Variants in GPHN observed in about 807,000 individuals in gnomAD.
The protein encoded by GPHN is gephyrin.
In GPHN, 17 loss-of-function variants were observed where a neutral mutation model predicts 95.5. That is an observed-to-expected ratio of 0.18 (90% CI 0.12 to 0.27). The LOEUF (loss-of-function observed/expected upper bound fraction) is 0.27. Among genes scored for constraint, GPHN ranks in the 10% least tolerant of loss-of-function variants. The pLI is 1.00. For synonymous variants in GPHN, 320 were observed against 322.5 expected (o/e 0.99, Z 0.08); for missense variants, 660 against 978.1 (o/e 0.67, Z 4.34).
chr14:67,599,545 A>G, the GPHN span, among the ~76,000 whole-genome samples: 4 of 152,198 alleles, frequency 2.6e-5, no homozygotes, highest in Non-Finnish European at 5.9e-5. Context: ...ATAACACTCT[A>G]TCTATACACA....
chr14:67,450,921 G>A, the GPHN span, among the ~76,000 whole-genome samples: 341 of 152,328 alleles, frequency 2.2e-3, no homozygotes, highest in Middle Eastern at 6.8e-3. Flanking sequence ...TCCCATCACA[G>A]GCCCAGAGGC....
chr14:67,296,528 G>A, the GPHN span, among the ~76,000 whole-genome samples: 1 of 133,982 alleles, frequency 7.5e-6, no homozygotes, highest in African/African-American at 2.8e-5. Context: ...CTTGCAGTGA[G>A]CCAAGATCGT....
At chr14:66,699,288 C>T (rs1169020893) in intron 2 of GPHN, among the ~76,000 whole-genome samples, 1 of 152,026 alleles carries the variant, frequency 6.6e-6, no homozygotes, top group Non-Finnish European at 1.5e-5. Context: ...CAACATGGCA[C>T]ATGTATACAT....
chr14:66,767,429 G>A (rs572239329), intron 2 of GPHN, among the ~76,000 whole-genome samples: 72 of 138,092 alleles, frequency 5.2e-4, no homozygotes, highest in Non-Finnish European at 8.0e-4. Context: ...TTGCAGACTC[G>A]CTTTTTGAAC....
At chr14:67,500,258 G>A in the GPHN span, among the ~76,000 whole-genome samples, 2 of 152,032 alleles carry the variant, frequency 1.3e-5, no homozygotes, top group African/African-American at 2.4e-5. Flanking sequence ...GGTGGATCAC[G>A]AGATCAGGAG....
chr14:66,631,564 A>G (rs530329863), intron 1 of GPHN, among the ~76,000 whole-genome samples: 5 of 152,282 alleles, frequency 3.3e-5, no homozygotes, highest in Non-Finnish European at 7.4e-5. Context: ...TATTTTGACT[A>G]TGTAAATAAT....
intron 17 of GPHN, among the ~76,000 whole-genome samples, chr14:67,136,578 A>G (rs1373731663): frequency 6.6e-6 from 1 of 152,204 alleles, no homozygotes; most frequent in Non-Finnish European, 1.5e-5. Context: ...TGAAAAAGAC[A>G]TACTCCAAAT....
the GPHN span, among the ~76,000 whole-genome samples, chr14:67,412,824 G>A: frequency 6.6e-6 from 1 of 152,116 alleles, no homozygotes; most frequent in Non-Finnish European, 1.5e-5. Flanking sequence ...GAGTGCAGTG[G>A]TGTGATCATA....
At chr14:66,616,982 A>G (rs1050534456) in intron 1 of GPHN, among the ~76,000 whole-genome samples, 1 of 152,194 alleles carries the variant, frequency 6.6e-6, no homozygotes, top group Admixed American at 6.5e-5. Flanking sequence ...CTGGGATTAC[A>G]GGCGTGAGCC....
intron 18 of GPHN, among the ~76,000 whole-genome samples, chr14:67,155,444 A>G (rs1395344613): frequency 6.6e-6 from 1 of 152,218 alleles, no homozygotes; most frequent in Non-Finnish European, 1.5e-5. Context: ...ATAGGAAACA[A>G]TTGATAAAGT....
the GPHN span, among the ~76,000 whole-genome samples, chr14:67,625,680 C>CAAA: frequency 0.057 from 1,813 of 32,032 alleles, 132 homozygotes; most frequent in African/African-American, 0.16. Flanking sequence ...AACTCCATCT[C>CAAA]AAAAAAAAAA....
At chr14:67,000,320 A>G (rs1437771378) in intron 9 of GPHN, among the ~76,000 whole-genome samples, 1 of 151,714 alleles carries the variant, frequency 6.6e-6, no homozygotes, top group African/African-American at 2.4e-5. Flanking sequence ...AAGGTAAATG[A>G]ACTTTAAACA....
chr14:66,900,080 C>A (rs1351802814), intron 5 of GPHN, among the ~76,000 whole-genome samples: 1 of 151,878 alleles, frequency 6.6e-6, no homozygotes, highest in East Asian at 1.9e-4. Context: ...GTTATTTTCT[C>A]GTCTTGAGAG....
the GPHN span, among the ~76,000 whole-genome samples, chr14:67,433,373 T>TCA: frequency 6.6e-6 from 1 of 152,188 alleles, no homozygotes; most frequent in Non-Finnish European, 1.5e-5. Context: ...GATGGCTTAT[T>TCA]CACACACAAA....
intron 10 of GPHN, among the ~76,000 whole-genome samples, chr14:67,046,861 A>C (rs1476561076): frequency 2.6e-5 from 4 of 152,154 alleles, no homozygotes; most frequent in African/African-American, 4.8e-5. Flanking sequence ...ACTTTCTCCT[A>C]ATTGGAGAGA....
chr14:66,521,532 G>A (rs2058483550), intron 1 of GPHN, among the ~76,000 whole-genome samples: 1 of 152,150 alleles, frequency 6.6e-6, no homozygotes, highest in African/African-American at 2.4e-5. Flanking sequence ...CAGTTCTGGA[G>A]GCCGGGAAGT....
the GPHN span, chr14:67,727,485 G>C: frequency 1.2e-5 from 3 of 256,528 alleles, no homozygotes; most frequent in Non-Finnish European, 1.5e-5. Flanking sequence ...TGTTTTTTTT[G>C]TTTTTTTTTT....
intron 5 of GPHN, among the ~76,000 whole-genome samples, chr14:66,912,072 T>C (rs1365638255): frequency 6.6e-6 from 1 of 152,092 alleles, no homozygotes; most frequent in Non-Finnish European, 1.5e-5. Flanking sequence ...GCTCAAAATT[T>C]TTTAGCAAAA....
At chr14:66,622,856 G>T (rs1333043133) in intron 1 of GPHN, among the ~76,000 whole-genome samples, 1 of 152,160 alleles carries the variant, frequency 6.6e-6, no homozygotes, top group Non-Finnish European at 1.5e-5. Context: ...TCTCTAGGAA[G>T]TTCCAAACTT....
Sources: gnomAD v4.1 joint callset for allele counts (sites outside exome capture counted in the v4.1 genomes callset) on GRCh38, gnomAD v4.1.1 for gene constraint, MANE v1.5 for transcripts, NCBI Gene and HGNC (gene_info 2026-07-23, HGNC 2026-07-21) for gene names.